Variants in PCDHGA9 observed in about 807,000 individuals in gnomAD.
PCDHGA9 encodes the protein protocadherin gamma-A9.
A neutral mutation model predicts 62.5 loss-of-function variants in PCDHGA9; 37 were observed. The ratio of observed to expected loss-of-function variants is 0.59; its 90% CI spans 0.46 to 0.78. The LOEUF is 0.78. Among genes scored for constraint, PCDHGA9 ranks in the 30% least tolerant of loss-of-function variants. PCDHGA9 has a pLI of 0.00. For synonymous variants in PCDHGA9, 459 were observed against 484.6 expected, an observed-to-expected ratio of 0.95 and a Z score of 0.69; for missense variants, 1,138 against 1,166.2, an observed-to-expected ratio of 0.98 and a Z score of 0.35.
In PCDHGA9 at chr5:141,412,148, C is replaced by T. The variant is rs183538712; in HGVS notation, c.2424+6772C>T. ...GGACTTTGGCCTCTGATACAAACTG[C>T]CTAAGAGAAGAGATTATTTATACTG... On this transcript the variant is annotated intron_variant, in intron 1 of 3. Coordinates refer to ENST00000573521, the MANE Select transcript of PCDHGA9 (RefSeq NM_018921.3). The T allele has an allele frequency of 3.1e-4, 47 of 152,220 alleles. 2 individuals carry two copies. The highest frequency in any genetic ancestry group is 1.1e-3 in the African/African-American group (45 of 41,552). The allele number at this position is 152,220 out of a possible 1,614,324, so 9.4% of individuals were successfully genotyped here.
chr5:141,486,869 C>G lies in PCDHGA9; in HGVS notation c.2425-7938C>G. On this transcript the variant is annotated intron_variant, in intron 1 of 3. Transcript: ENST00000573521. This position sits in a 1 kb window ranked among gnomAD's most constrained non-coding sequence, Gnocchi z 5.0. ...CCTCAATGACAATGCTCCAGCTGTG[C>G]TCCGTCCTCGGGCCCGGCCTGGTTC... The G allele has an allele frequency of 6.2e-7, 1 of 1,614,246 alleles. No homozygotes were observed. The highest frequency in any genetic ancestry group is 8.5e-7 in the Non-Finnish European group (1 of 1,180,042).
rs752071139 is a variant in PCDHGA9 at position 141,422,722 on chromosome 5, G to A, written c.2424+17346G>A. ...CTCTCTGACGGATGACACTGTCCAG[G>A]GGGTGCCTCTGTCCTCCTATGTCTC... On this transcript the variant is annotated intron_variant, in intron 1 of 3. Coordinates refer to ENST00000573521, the MANE Select transcript of PCDHGA9 (RefSeq NM_018921.3). The A allele has an allele frequency of 2.4e-5, 39 of 1,605,774 alleles. No homozygotes were observed. In the South Asian group the frequency reaches 4.0e-4, roughly 17 times the overall value.
chr5:141,483,303 T>A (rs1222660132), intron 1 of PCDHGA9, among the ~76,000 whole-genome samples: 1 of 152,146 alleles, frequency 6.6e-6, no homozygotes, highest in Non-Finnish European at 1.5e-5. Context: ...GTGAAGGGAC[T>A]GGGGACATTG....
chr5:141,449,484 A>G (rs1003440539), intron 1 of PCDHGA9, among the ~76,000 whole-genome samples: 2 of 150,848 alleles, frequency 1.3e-5, no homozygotes, highest in Non-Finnish European at 3.0e-5. Context: ...CCCCATGCCT[A>G]AGGGTGAGGC....
At position 141,477,460 on chromosome 5, in the gene PCDHGA9, C is replaced by T; in HGVS notation, c.2425-17347C>T. 6.2e-7 allele frequency: 1 copy of T among 1,614,132 alleles called. No individual in the cohort carries two copies. Among genetic ancestry groups the T allele is most frequent in the Non-Finnish European group, 8.5e-7 (1 of 1,180,020 alleles). On this transcript the variant is annotated intron_variant, in intron 1 of 3. Transcript: ENST00000573521. The surrounding 1 kb of genome is among the most constrained non-coding windows in gnomAD (Gnocchi z 4.9). ...TTACAATAGTGCGTGTTCAAGTGTC[C>T]GACATCAATGACAACCCTCCACAAT...
chr5:141,432,400 G>A lies in PCDHGA9; in HGVS notation c.2424+27024G>A, dbSNP rs139153105. ...ACCCGCCCCTCAGCAGCAACGTGTC[G>A]TTGAGCCTGTTCGTGCTGGACCAGA... On this transcript the variant is annotated intron_variant, in intron 1 of 3. Transcript: ENST00000573521. The surrounding 1 kb of genome is among the most constrained non-coding windows in gnomAD (Gnocchi z 6.0). 5.6e-6 allele frequency: 9 copies of A among 1,614,122 alleles called. No homozygotes were observed. In the East Asian group the frequency reaches 6.7e-5, roughly 12 times the overall value.
intron 1 of PCDHGA9, among the ~76,000 whole-genome samples, chr5:141,472,422 C>T (rs1328468154): frequency 6.6e-6 from 1 of 152,008 alleles, no homozygotes; most frequent in East Asian, 1.9e-4. Flanking sequence ...GCACCTGTAT[C>T]CCAGCTACTA....
intron 1 of PCDHGA9, chr5:141,420,092 G>A: frequency 1.2e-6 from 2 of 1,614,020 alleles, no homozygotes; most frequent in Non-Finnish European, 1.7e-6. Flanking sequence ...CAACTACAGT[G>A]AGGGAACGTT....
At chr5:141,471,111 C>T (rs529680278) in intron 1 of PCDHGA9, among the ~76,000 whole-genome samples, 1 of 146,150 alleles carries the variant, frequency 6.8e-6, no homozygotes, top group African/African-American at 2.6e-5. Flanking sequence ...TGCAGTGGTG[C>T]GATCTTACCT....
In PCDHGA9 at chr5:141,489,184, G is replaced by T; in HGVS notation, c.2425-5623G>T. ...TCAGCTGCTGCATTCCAAGCCCTGG[G>T]TCTACCTTGGAGACAGGACAGCACA... On this transcript the variant is annotated intron_variant, in intron 1 of 3. Transcript: ENST00000573521. This position sits in a 1 kb window ranked among gnomAD's most constrained non-coding sequence, Gnocchi z 4.5. 7.8e-7 allele frequency: 1 copy of T among 1,287,330 alleles called. No homozygotes were observed. Among genetic ancestry groups the T allele is most frequent in the Non-Finnish European group, 1.1e-6 (1 of 928,816 alleles). 79.7% of individuals were successfully genotyped at this position (1,287,330 alleles called of 1,614,324 possible).
intron 1 of PCDHGA9, among the ~76,000 whole-genome samples, chr5:141,451,067 A>G (rs948528671): frequency 6.6e-6 from 1 of 151,848 alleles, no homozygotes; most frequent in African/African-American, 2.4e-5. Flanking sequence ...TGACCTTGTG[A>G]TCCACCCACC....
chr5:141,421,842 A>G (rs1209505923), intron 1 of PCDHGA9: 1 of 1,613,744 alleles, frequency 6.2e-7, no homozygotes, highest in Non-Finnish European at 8.5e-7. Context: ...ACCGAGAGAA[A>G]GAGGCTGCTC....
chr5:141,485,821 T>C lies in PCDHGA9; in HGVS notation c.2425-8986T>C, dbSNP rs765768266. 4 of 1,614,134 alleles carry C rather than the reference T, an allele frequency of 2.5e-6. No homozygotes were observed. Among genetic ancestry groups the C allele is most frequent in the Admixed American group, 1.7e-5 (1 of 60,014 alleles). ...ACCGCCTGGTGCTGACTGCTGTCGATGGAGGGAACCCGCCGAGATCTGGCA... is the reference window on the plus strand; with the variant it reads ...ACCGCCTGGTGCTGACTGCTGTCGACGGAGGGAACCCGCCGAGATCTGGCA... On this transcript the variant is annotated intron_variant, in intron 1 of 3. Coordinates refer to ENST00000573521, the MANE Select transcript of PCDHGA9 (RefSeq NM_018921.3). This position sits in a 1 kb window ranked among gnomAD's most constrained non-coding sequence, Gnocchi z 5.7.
chr5:141,409,749 C>T (rs1477022032), intron 1 of PCDHGA9: 4 of 1,613,030 alleles, frequency 2.5e-6, no homozygotes, highest in Admixed American at 1.7e-5. Context: ...GTGGTGTTCG[C>T]GCAGCGCGCC....
chr5:141,474,488 A>C (rs2099350464), intron 1 of PCDHGA9, among the ~76,000 whole-genome samples: 1 of 152,208 alleles, frequency 6.6e-6, no homozygotes. Flanking sequence ...AATGTATTCT[A>C]TCTTCTAATG....
intron 1 of PCDHGA9, among the ~76,000 whole-genome samples, chr5:141,433,805 C>T (rs1325364387): frequency 1.3e-5 from 2 of 150,004 alleles, no homozygotes; most frequent in South Asian, 4.2e-4. Flanking sequence ...CCATTGCACT[C>T]CAGCCTGGGC....
chr5:141,485,944 G>C lies in PCDHGA9; in HGVS notation c.2425-8863G>C, dbSNP rs2099621875. 1 of 1,613,998 alleles carries C rather than the reference G, an allele frequency of 6.2e-7. No homozygotes were observed. Reference sequence around the variant, plus strand: ...TTAGTGTGTTGGAGAGCGCACCAGCGGGCATGGTGCTCATCCAGCTCAATG... The same window carrying C: ...TTAGTGTGTTGGAGAGCGCACCAGCCGGCATGGTGCTCATCCAGCTCAATG... On this transcript the variant is annotated intron_variant, in intron 1 of 3. Transcript: ENST00000573521. This position sits in a 1 kb window ranked among gnomAD's most constrained non-coding sequence, Gnocchi z 5.7.
intron 1 of PCDHGA9, chr5:141,423,256 G>T (rs751894091): frequency 1.4e-5 from 22 of 1,613,816 alleles, no homozygotes; most frequent in Middle Eastern, 1.6e-4. Flanking sequence ...GGCGGACCTC[G>T]GCAGCCTCGA....
At chr5:141,422,618 A>G in intron 1 of PCDHGA9, 3 of 1,613,682 alleles carry the variant, frequency 1.9e-6, no homozygotes, top group Non-Finnish European at 2.5e-6. Flanking sequence ...TACATTCCCG[A>G]AAACAACCCC....
Sources: allele counts gnomAD v4.1 joint callset (sites outside exome capture counted in the v4.1 genomes callset), GRCh38; gene constraint gnomAD v4.1.1; non-coding constraint Gnocchi (gnomAD v3.1); transcripts MANE v1.5; gene names NCBI Gene and HGNC (gene_info 2026-07-23, HGNC 2026-07-21).